PLEK2: variants seen among roughly 807,000 people sequenced by gnomAD.
The protein encoded by PLEK2 is pleckstrin 2.
PLEK2 carries 29 observed loss-of-function variants against 43.8 expected under a neutral mutation model. The ratio of observed to expected loss-of-function variants is 0.66; its 90% CI spans 0.49 to 0.90. The LOEUF is 0.90. Among genes scored for constraint, PLEK2 ranks in the 40% least tolerant of loss-of-function variants. PLEK2 has a pLI of 0.00. For missense variants in PLEK2, 398 were observed against 448.1 expected (o/e 0.89, Z 1.01); for synonymous variants, 162 against 173.2 (o/e 0.94, Z 0.51).
chr14:67,389,454 G>T (rs563688346), intron 7 of PLEK2, among the ~76,000 whole-genome samples: 300 of 152,212 alleles, frequency 2.0e-3, no homozygotes, highest in Non-Finnish European at 2.0e-3. Context: ...TTTTGAGATG[G>T]TTCCTTATCT....
In PLEK2 at chr14:67,397,693, G is replaced by A; in HGVS notation, c.176C>T (p.Thr59Ile). The change falls in exon 2 of 9, where the codon ACC (threonine) becomes ATC (isoleucine). Residue 59 changes from threonine to isoleucine, a missense_variant. Physicochemically the swap from Thr to Ile is moderately conservative, Grantham distance 89. Coordinates refer to ENST00000216446, the MANE Select transcript of PLEK2 (RefSeq NM_016445.3). ...GTTTTCATACTCCAGGCAGGGGCAGGTGATGGTGCAGCCATCCAGGAGGAT... is the reference window on the plus strand; with the variant it reads ...GTTTTCATACTCCAGGCAGGGGCAGATGATGGTGCAGCCATCCAGGAGGAT... ...GRILLDGCTI[T>I]CPCLEYENRP... 1.2e-6 allele frequency: 2 copies of A among 1,613,260 alleles called. No individual in the cohort carries two copies. The highest frequency in any genetic ancestry group is 1.7e-6 in the Non-Finnish European group (2 of 1,179,610).
At position 67,412,150 on chromosome 14, in the gene PLEK2, A is replaced by G; in HGVS notation, c.-91T>C. The G allele has an allele frequency of 8.4e-7, 1 of 1,186,012 alleles. No homozygotes were observed. The highest frequency in any genetic ancestry group is 3.2e-5 in the East Asian group (1 of 31,598). The allele number at this position is 1,186,012 out of a possible 1,614,324, so 73.5% of individuals were successfully genotyped here. ...CGCGCAGCCCGCGCAGTCCGCGCCC[A>G]CGGCGCCCAGGAAGCAGCTCCGACG... On this transcript the variant is annotated 5_prime_UTR_variant, in exon 1 of 9. Transcript: ENST00000216446.
chr14:67,403,888 C>CA (rs2086063173), intron 1 of PLEK2, among the ~76,000 whole-genome samples: 1 of 151,838 alleles, frequency 6.6e-6, no homozygotes, highest in Non-Finnish European at 1.5e-5. Flanking sequence ...GTCATTTCTA[C>CA]AAAAAAATAA....
intron 1 of PLEK2, among the ~76,000 whole-genome samples, chr14:67,409,653 G>A (rs1439517616): frequency 6.6e-6 from 1 of 152,042 alleles, no homozygotes; most frequent in Admixed American, 6.6e-5. Context: ...CTGGAACTCT[G>A]CTTCTTTCTC....
At chr14:67,411,317 C>T (rs2086113557) in intron 1 of PLEK2, among the ~76,000 whole-genome samples, 1 of 152,138 alleles carries the variant, frequency 6.6e-6, no homozygotes, top group African/African-American at 2.4e-5. Context: ...GAGGTCAGAA[C>T]ATGCAGTTCC....
Position 67,397,786 on chromosome 14 carries a change from AG to A in PLEK2, c.82del (p.Leu28PhefsTer17). On this transcript the variant is annotated frameshift_variant, in exon 2 of 9. Coordinates refer to ENST00000216446, the MANE Select transcript of PLEK2 (RefSeq NM_016445.3). LOFTEE classifies it high-confidence loss of function. Reference protein sequence around the residue: ...VHNWKARWFILRQNTLVYYKL... With the variant: ...VHNWKARWFIXRQNTLVYYKL... ...GTAGTACACCAGCGTGTTCTGCCGAAGGATGAACCATCGCGCCTTCCAGTTG... is the reference window on the plus strand; with the variant it reads ...GTAGTACACCAGCGTGTTCTGCCGAAGATGAACCATCGCGCCTTCCAGTTG... 6.2e-7 allele frequency: 1 copy of A among 1,613,234 alleles called. No individual in the cohort carries two copies. The highest frequency in any genetic ancestry group is 8.5e-7 in the Non-Finnish European group (1 of 1,179,604).
intron 7 of PLEK2, among the ~76,000 whole-genome samples, chr14:67,390,320 TG>T (rs1411282933): frequency 6.6e-6 from 1 of 152,092 alleles, no homozygotes; most frequent in African/African-American, 2.4e-5. Flanking sequence ...GTGGAGAGGC[TG>T]GGAAGTGCCA....
chr14:67,399,930 C>T (rs555770544), intron 1 of PLEK2, among the ~76,000 whole-genome samples: 4 of 152,250 alleles, frequency 2.6e-5, no homozygotes, highest in South Asian at 2.1e-4. Flanking sequence ...TTTCCAAAGC[C>T]GAGCTTAGGG....
intron 8 of PLEK2, 142 bp from the exon 9 acceptor site, chr14:67,387,598 T>TA: frequency 1.2e-6 from 1 of 856,894 alleles, no homozygotes; most frequent in Non-Finnish European, 1.7e-6. Flanking sequence ...AGTTAGAGAA[T>TA]CCTATCAGAT....
intron 1 of PLEK2, among the ~76,000 whole-genome samples, chr14:67,407,481 C>T (rs930656590): frequency 4.0e-5 from 6 of 151,736 alleles, no homozygotes; most frequent in African/African-American, 1.5e-4. Flanking sequence ...CATTTGGTTG[C>T]CGAGGCTGGA....
At chr14:67,397,058 C>A (rs573187075) in intron 2 of PLEK2, among the ~76,000 whole-genome samples, 2 of 107,538 alleles carry the variant, frequency 1.9e-5, no homozygotes, top group East Asian at 7.5e-4. Context: ...CCTGCCTCAG[C>A]CTCCCAAGTA....
intron 3 of PLEK2, among the ~76,000 whole-genome samples, chr14:67,394,671 G>A (rs533368217): frequency 3.3e-5 from 5 of 152,284 alleles, no homozygotes; most frequent in African/African-American, 1.2e-4. Context: ...TGCCTGGGAG[G>A]TTGGTGGAGA....
chr14:67,404,587 A>T (rs1339059743), intron 1 of PLEK2, among the ~76,000 whole-genome samples: 1 of 151,806 alleles, frequency 6.6e-6, no homozygotes, highest in East Asian at 1.9e-4. Context: ...AGATGGGAGG[A>T]TCACTTGAGC....
At chr14:67,396,839 G>A (rs1262114966) in intron 2 of PLEK2, among the ~76,000 whole-genome samples, 1 of 152,174 alleles carries the variant, frequency 6.6e-6, no homozygotes, top group Non-Finnish European at 1.5e-5. Context: ...AATAAAATCA[G>A]CAACTCTATG....
In PLEK2 at chr14:67,388,322, C is replaced by G; in HGVS notation, c.856-20G>C. On this transcript the variant is annotated intron_variant, in intron 7 of 8. Transcript: ENST00000216446. Reference sequence around the variant, plus strand: ...CTCTTCCTGTAGAGGAAAGGAGACCCAATTAGGAATTTGTGAATGAACAAA... The same window carrying G: ...CTCTTCCTGTAGAGGAAAGGAGACCGAATTAGGAATTTGTGAATGAACAAA... The G allele has an allele frequency of 6.5e-7, 1 of 1,536,142 alleles. No homozygotes were observed. Among genetic ancestry groups the G allele is most frequent in the Non-Finnish European group, 9.0e-7 (1 of 1,109,142 alleles).
At chr14:67,400,019 G>A (rs192583505) in intron 1 of PLEK2, among the ~76,000 whole-genome samples, 1 of 152,288 alleles carries the variant, frequency 6.6e-6, no homozygotes, top group Admixed American at 6.5e-5. Flanking sequence ...GCCTAGTATG[G>A]ATTCATATCA....
chr14:67,412,156 C>G lies in PLEK2; in HGVS notation c.-97G>C. 1.8e-6 allele frequency: 2 copies of G among 1,105,082 alleles called. No individual in the cohort carries two copies. Among genetic ancestry groups the G allele is most frequent in the South Asian group, 4.1e-5 (2 of 48,416 alleles). The allele number at this position is 1,105,082 out of a possible 1,614,324, so 68.5% of individuals were successfully genotyped here. A position where few individuals can be genotyped will look rare whatever the true frequency, so the allele number is the denominator to read the frequency against. ...GCCCGCGCAGTCCGCGCCCACGGCG[C>G]CCAGGAAGCAGCTCCGACGCGGCAG... On this transcript the variant is annotated 5_prime_UTR_variant, in exon 1 of 9. Transcript: ENST00000216446.
At position 67,395,483 on chromosome 14, in the gene PLEK2, A is replaced by G. The variant is rs754074533; in HGVS notation, c.308T>C (p.Ile103Thr). 1.2e-6 allele frequency: 2 copies of G among 1,613,974 alleles called. No homozygotes were observed. The highest frequency in any genetic ancestry group is 4.5e-5 in the East Asian group (2 of 44,884). Reference protein sequence around the residue: ...DAWAFEITGAIHAGQPGKVQQ... With the variant: ...DAWAFEITGATHAGQPGKVQQ... ...GACCTTCCCCGGCTGCCCTGCATGA[A>G]TAGCCCCGGTGATCTCAAAGGCCCA... is the stretch of plus-strand genomic sequence containing the variant. Residue 103 changes from isoleucine (I) to threonine (T), a missense_variant, in exon 3 of 9, where the codon ATT becomes ACT. Ile to Thr is a moderately conservative substitution (Grantham distance 89). Coordinates refer to ENST00000216446, the MANE Select transcript of PLEK2 (RefSeq NM_016445.3).
At chr14:67,389,772 TTTC>T (rs1595654517) in intron 7 of PLEK2, among the ~76,000 whole-genome samples, 2 of 147,478 alleles carry the variant, frequency 1.4e-5, no homozygotes, top group East Asian at 3.9e-4. Context: ...AAGTGTTTTT[TTTC>T]TTTTTTTTTT....
Sources: gnomAD v4.1 joint callset for allele counts (sites outside exome capture counted in the v4.1 genomes callset) on GRCh38, gnomAD v4.1.1 for gene constraint, MANE v1.5 for transcripts, NCBI Gene and HGNC (gene_info 2026-07-23, HGNC 2026-07-21) for gene names.